Variants in UTRN observed in about 807,000 individuals in gnomAD.
The protein encoded by UTRN is dystrophin-related protein 1.
A neutral mutation model predicts 463.9 loss-of-function variants in UTRN; 283 were observed. The observed-to-expected ratio is 0.61, with a 90% confidence interval of 0.55 to 0.67. UTRN has a LOEUF of 0.67. Ranked by LOEUF, UTRN falls within the 30% of genes least tolerant of loss-of-function variation. UTRN has a pLI of 0.00. For synonymous variants in UTRN, 1,442 were observed against 1,431.5 expected (o/e 1.01, Z -0.17); for missense variants, 3,922 against 4,084.3 (o/e 0.96, Z 1.08).
At chr6:144,434,769 A>C (rs1786367616) in intron 9 of UTRN, among the ~76,000 whole-genome samples, 1 of 152,186 alleles carries the variant, frequency 6.6e-6, no homozygotes, top group South Asian at 2.1e-4. Flanking sequence ...CTGTTGAACC[A>C]GCAGGAAACC....
chr6:144,373,281 C>T (rs531790827), intron 2 of UTRN, among the ~76,000 whole-genome samples: 12 of 151,984 alleles, frequency 7.9e-5, no homozygotes, highest in South Asian at 2.1e-4. Context: ...GCCCATCAGC[C>T]GACGAATGGA....
At chr6:144,362,594 T>G (rs1779175488) in intron 2 of UTRN, among the ~76,000 whole-genome samples, 1 of 152,198 alleles carries the variant, frequency 6.6e-6, no homozygotes, top group Non-Finnish European at 1.5e-5. Context: ...GGATGGGATA[T>G]AAAGCCAAAT....
intron 51 of UTRN, among the ~76,000 whole-genome samples, chr6:144,664,419 A>G (rs759243378): frequency 1.3e-4 from 20 of 149,000 alleles, no homozygotes; most frequent in Non-Finnish European, 2.1e-4. Context: ...TCATCACACT[A>G]TCTGAGTTTG....
At chr6:144,384,679 C>T (rs1257118836) in intron 2 of UTRN, among the ~76,000 whole-genome samples, 2 of 152,306 alleles carry the variant, frequency 1.3e-5, no homozygotes, top group African/African-American at 2.4e-5. Flanking sequence ...ATGTGACTGG[C>T]TGTGTCACTT....
chr6:144,678,622 G>T, intron 52 of UTRN, 44 bp downstream of exon 52: 3 of 1,489,450 alleles, frequency 2.0e-6, no homozygotes, highest in Non-Finnish European at 2.7e-6. Context: ...GGGTGGAAGG[G>T]GTAGATACTT....
intron 51 of UTRN, among the ~76,000 whole-genome samples, chr6:144,673,016 C>T (rs974344819): frequency 6.6e-6 from 1 of 151,926 alleles, no homozygotes; most frequent in Non-Finnish European, 1.5e-5. Flanking sequence ...CAATTTTATT[C>T]CATTGTGGTC....
intron 54 of UTRN, among the ~76,000 whole-genome samples, chr6:144,736,903 C>G (rs1340390725): frequency 6.6e-6 from 1 of 152,194 alleles, no homozygotes; most frequent in Non-Finnish European, 1.5e-5. Flanking sequence ...TGTAGGTCCT[C>G]TGACCTGATT....
At position 144,584,234 on chromosome 6, in the gene UTRN, G is replaced by A. The variant is rs1030565865; in HGVS notation, c.7479+6946G>A. 3.3e-5 allele frequency among the ~76,000 whole-genome samples: 5 copies of A among 152,056 alleles called. No individual in the cohort carries two copies. The East Asian group carries it at 7.7e-4, about 23-fold the overall frequency. On this transcript the variant is annotated intron_variant, in intron 51 of 74. Coordinates refer to ENST00000367545, the MANE Select transcript of UTRN (RefSeq NM_007124.3). ...CAAATTTCTAATACTACGTCATCCCGAACATAAACCATTCAATCAGCTGCT... is the reference window on the plus strand; with the variant it reads ...CAAATTTCTAATACTACGTCATCCCAAACATAAACCATTCAATCAGCTGCT...
chr6:144,516,143 T>C, intron 37 of UTRN, 86 bp from the exon 38 acceptor site: 1 of 1,377,734 alleles, frequency 7.3e-7, no homozygotes, highest in Admixed American at 2.1e-5. Flanking sequence ...AAAGTGTTAG[T>C]TTCTCTCTTG....
At chr6:144,783,283 C>A (rs1483629460) in intron 61 of UTRN, among the ~76,000 whole-genome samples, 1 of 151,910 alleles carries the variant, frequency 6.6e-6, no homozygotes, top group African/African-American at 2.4e-5. Flanking sequence ...TACATGAAAA[C>A]TTCTATTTAC....
intron 50 of UTRN, among the ~76,000 whole-genome samples, chr6:144,576,786 A>C: frequency 6.6e-6 from 1 of 152,158 alleles, no homozygotes; most frequent in East Asian, 1.9e-4. Flanking sequence ...TTTTGTATTG[A>C]CCTACAACAT....
intron 2 of UTRN, chr6:144,330,951 G>A (rs1203872675): frequency 7.9e-5 from 78 of 985,216 alleles, no homozygotes; most frequent in Non-Finnish European, 9.3e-5. Context: ...TGGAGGACAC[G>A]CTGAGCCGAC....
Position 144,458,922 on chromosome 6 carries a change from G to T in UTRN, c.2437G>T (p.Val813Phe). 1 of 1,613,900 alleles carries T rather than the reference G, an allele frequency of 6.2e-7. No homozygotes were observed. Residue 813 changes from valine (V) to phenylalanine (F), a missense_variant, in exon 20 of 75, where the codon GTC becomes TTC. This residue lies in a region of UTRN where 2,349 missense variants were observed against 2,303.8 expected (regional missense o/e 1.02). Transcript: ENST00000367545. ...YFKQLDELEK[V>F]IKTKEEWVKH... ...CAAGCAGCTTGATGAGCTTGAAAAG[G>T]TCATCAAGACAAAGGAGGAGTGGGT...
At chr6:144,771,496 G>T (rs1023680023) in intron 58 of UTRN, among the ~76,000 whole-genome samples, 2 of 152,022 alleles carry the variant, frequency 1.3e-5, no homozygotes, top group Non-Finnish European at 2.9e-5. Context: ...AACGATCTCG[G>T]CTCACTGCAA....
chr6:144,444,331 G>T lies in UTRN; in HGVS notation c.1563G>T (p.Trp521Cys). 2 of 1,611,666 alleles carry T rather than the reference G, an allele frequency of 1.2e-6. No individual in the cohort carries two copies. Among genetic ancestry groups the T allele is most frequent in the South Asian group, 1.1e-5 (1 of 90,912 alleles). ...TATGCCGTTGGACTGAAGAACGCTG[G>T]AATAGGTTACAAGAAATCAATATAT... ...TAVCRWTEERWNRLQEINILW... is the reference protein window; with the variant it reads ...TAVCRWTEERCNRLQEINILW... The change falls in exon 14 of 75, where the codon TGG (tryptophan) becomes TGT (cysteine). Residue 521 changes from tryptophan (W) to cysteine (C), a missense_variant. Transcript: ENST00000367545.
chr6:144,821,013 A>G lies in UTRN; in HGVS notation c.9489A>G (p.Leu3163=). 6.2e-7 allele frequency: 1 copy of G among 1,612,714 alleles called. No homozygotes were observed. The highest frequency in any genetic ancestry group is 8.5e-7 in the Non-Finnish European group (1 of 1,179,522). Residue 3163 remains leucine (L), a synonymous_variant, in exon 66 of 75, where the codon TTA becomes TTG. Transcript: ENST00000367545. ...PVQTVLEGDN[L]ETPITLISMW... ...AGACAGTTCTTGAAGGTGACAACTT[A>G]GAGACGTAAGTTTGATTTTAATATT...
intron 2 of UTRN, among the ~76,000 whole-genome samples, chr6:144,394,728 A>T (rs1562337388): frequency 3.3e-5 from 5 of 151,952 alleles, no homozygotes; most frequent in Admixed American, 3.3e-4. Flanking sequence ...TATTTTATAC[A>T]TTTTTTTGTT....
At position 144,838,683 on chromosome 6, in the gene UTRN, C is replaced by T. The variant is rs185692520; in HGVS notation, c.10066-490C>T. ...CATTTTACAAATAAAGAACTGAAAGCATGGAAGGTTCTACAGTTTTCCCAG... is the reference window on the plus strand; with the variant it reads ...CATTTTACAAATAAAGAACTGAAAGTATGGAAGGTTCTACAGTTTTCCCAG... On this transcript the variant is annotated intron_variant, in intron 71 of 74. Coordinates refer to ENST00000367545, the MANE Select transcript of UTRN (RefSeq NM_007124.3). Among the ~76,000 whole-genome samples the T allele has an allele frequency of 9.9e-5, 15 of 152,262 alleles. No homozygotes were observed. In the East Asian group the frequency reaches 2.9e-3, roughly 29 times the overall value.
At chr6:144,537,545 T>C in intron 43 of UTRN, 37 bp from the exon 44 acceptor site, 6 of 1,454,336 alleles carry the variant, frequency 4.1e-6, no homozygotes, top group Non-Finnish European at 5.4e-6. Flanking sequence ...AATTGGACAG[T>C]TTTTCCTCAA....
Sources: allele counts gnomAD v4.1 joint callset (sites outside exome capture counted in the v4.1 genomes callset), GRCh38; gene constraint gnomAD v4.1.1; regional missense constraint gnomAD v4.1.1; transcripts MANE v1.5; gene names NCBI Gene and HGNC (gene_info 2026-07-23, HGNC 2026-07-21).